The following TAF4B variants were observed in gnomAD, a reference collection of about 807,000 sequenced individuals.
TAF4B encodes TATA-box binding protein associated factor 4b, also known as transcription initiation factor TFIID subunit 4B.
A neutral mutation model predicts 86.4 loss-of-function variants in TAF4B; 38 were observed. The ratio of observed to expected loss-of-function variants is 0.44; its 90% CI spans 0.34 to 0.58. The LOEUF (loss-of-function observed/expected upper bound fraction) is 0.58. TAF4B is among the 20% of genes least tolerant of loss of function. The pLI is 0.02. For missense variants in TAF4B, 988 were observed against 1,027.6 expected (o/e 0.96, Z 0.53); for synonymous variants, 388 against 391.2 (o/e 0.99, Z 0.10).
At chr18:26,294,700 ATATAACATTTG>A (rs1415451171) in intron 9 of TAF4B, among the ~76,000 whole-genome samples, 3 of 149,940 alleles carry the variant, frequency 2.0e-5, no homozygotes, top group Non-Finnish European at 4.4e-5. Flanking sequence ...ATATACAGAA[ATATAACATTTG>A]TATATATAGA....
At chr18:26,288,292 A>G (rs1471888058) in intron 7 of TAF4B, among the ~76,000 whole-genome samples, 1 of 152,218 alleles carries the variant, frequency 6.6e-6, no homozygotes, top group African/African-American at 2.4e-5. Flanking sequence ...TATGATAAAA[A>G]GGTAGGGAGA....
chr18:26,274,204 T>G (rs1354299545), intron 3 of TAF4B, among the ~76,000 whole-genome samples: 1 of 152,210 alleles, frequency 6.6e-6, no homozygotes, highest in Non-Finnish European at 1.5e-5. Context: ...AAAAGCAGTT[T>G]ATCTAAATTT....
intron 9 of TAF4B, among the ~76,000 whole-genome samples, chr18:26,314,383 G>A (rs1033808860): frequency 3.9e-5 from 6 of 151,990 alleles, no homozygotes; most frequent in Admixed American, 6.6e-5. Context: ...CTGTGGCCAC[G>A]TAACAATTCC....
intron 14 of TAF4B, among the ~76,000 whole-genome samples, chr18:26,365,606 T>A (rs1238412655): frequency 6.6e-6 from 1 of 152,126 alleles, no homozygotes; most frequent in African/African-American, 2.4e-5. Flanking sequence ...AGTCCGTGGC[T>A]TTGTCATCTT....
chr18:26,360,926 G>A (rs2057323890), intron 14 of TAF4B, among the ~76,000 whole-genome samples: 1 of 152,114 alleles, frequency 6.6e-6, no homozygotes, highest in Non-Finnish European at 1.5e-5. Flanking sequence ...TGGCTAGTGT[G>A]ACTAAAATAA....
chr18:26,336,108 T>G (rs758946066), intron 13 of TAF4B, among the ~76,000 whole-genome samples: 2 of 152,218 alleles, frequency 1.3e-5, no homozygotes, highest in Admixed American at 1.3e-4. Context: ...CCTGTTCACA[T>G]TTCTGATTAA....
chr18:26,286,003 C>T lies in TAF4B; in HGVS notation c.1094C>T (p.Pro365Leu). The T allele has an allele frequency of 6.2e-7, 1 of 1,614,236 alleles. No homozygotes were observed. Among genetic ancestry groups the T allele is most frequent in the Non-Finnish European group, 8.5e-7 (1 of 1,180,036 alleles). Reference protein sequence around the residue: ...ATCTTTVTTSPVVTTTVSSSQ... With the variant: ...ATCTTTVTTSLVVTTTVSSSQ... ...TGTACTACAACAGTAACAACTTCTC[C>T]TGTGGTGACAACTACAGTGTCCTCA... The change falls in exon 7 of 15, where the codon CCT becomes CTT. Residue 365 changes from proline to leucine, a missense_variant. Around this residue, in one of 3 missense-constraint regions of TAF4B, gnomAD observed 747 missense variants for 737.9 expected, o/e 1.01. Coordinates refer to ENST00000269142, the MANE Select transcript of TAF4B (RefSeq NM_005640.3).
intron 13 of TAF4B, among the ~76,000 whole-genome samples, chr18:26,346,759 G>GTATATATA (rs1189521252): frequency 0.041 from 1,124 of 27,114 alleles, 197 homozygotes; most frequent in Middle Eastern, 0.094. Flanking sequence ...ATATATGTGT[G>GTATATATA]TATATATATA....
chr18:26,286,597 C>T (rs944487601), intron 7 of TAF4B, 98 bp downstream of exon 7: 1 of 1,327,428 alleles, frequency 7.5e-7, no homozygotes, highest in Non-Finnish European at 1.0e-6. Context: ...AGGCTATATA[C>T]TGTTTACGGG....
chr18:26,330,910 T>TTA (rs1397792647), intron 12 of TAF4B, among the ~76,000 whole-genome samples: 1 of 152,182 alleles, frequency 6.6e-6, no homozygotes, highest in East Asian at 1.9e-4. Context: ...ACTACTAATA[T>TTA]CCCCACCCCA....
chr18:26,373,016 C>T (rs2057417183), intron 14 of TAF4B, among the ~76,000 whole-genome samples: 1 of 151,308 alleles, frequency 6.6e-6, no homozygotes, highest in Non-Finnish European at 1.5e-5. Flanking sequence ...TGCTTGCATA[C>T]CAGAAGGTGA....
At chr18:26,352,069 AT>A (rs1487467028) in intron 13 of TAF4B, among the ~76,000 whole-genome samples, 1 of 152,170 alleles carries the variant, frequency 6.6e-6, no homozygotes, top group Non-Finnish European at 1.5e-5. Flanking sequence ...ATAAATTAAA[AT>A]GTTAAAAAGT....
rs775775235 is a variant in TAF4B, at chr18:26,281,961, C to T, written c.883-10C>T. ...GACTTAAAATTGTTTCTATTTCTCC[C>T]ATCCCTCAGGATGCAAAAATCGAAG... is the stretch of plus-strand genomic sequence containing the variant. On this transcript the variant is annotated splice_polypyrimidine_tract_variant and intron_variant, in intron 5 of 14. Transcript: ENST00000269142. 43 of 1,599,098 alleles carry T rather than the reference C, an allele frequency of 2.7e-5. No homozygotes were observed. The highest frequency in any genetic ancestry group is 3.4e-5 in the Non-Finnish European group (40 of 1,168,534).
At chr18:26,315,190 C>T (rs1342066985) in intron 9 of TAF4B, 39 bp from the exon 10 acceptor site, 3 of 1,395,226 alleles carry the variant, frequency 2.2e-6, no homozygotes, top group Non-Finnish European at 9.6e-7. Context: ...CACACACACA[C>T]ACAACCTAAA....
At chr18:26,320,779 A>G (rs999461720) in intron 10 of TAF4B, among the ~76,000 whole-genome samples, 3 of 152,236 alleles carry the variant, frequency 2.0e-5, no homozygotes, top group African/African-American at 7.2e-5. Context: ...CTCCCTGAAC[A>G]ATAGACTTGA....
At chr18:26,329,831 G>T (rs1480731582) in intron 12 of TAF4B, among the ~76,000 whole-genome samples, 1 of 152,028 alleles carries the variant, frequency 6.6e-6, no homozygotes, top group African/African-American at 2.4e-5. Flanking sequence ...TTGAGACAGG[G>T]TCTCACTTTG....
chr18:26,237,532 G>A (rs2055767739), intron 1 of TAF4B, among the ~76,000 whole-genome samples: 1 of 152,028 alleles, frequency 6.6e-6, no homozygotes. Flanking sequence ...GTTTCCTTCT[G>A]GGTGGGGGAG....
chr18:26,296,669 T>C (rs1192042106), intron 9 of TAF4B, among the ~76,000 whole-genome samples: 1 of 152,142 alleles, frequency 6.6e-6, no homozygotes, highest in African/African-American at 2.4e-5. Context: ...ACTGTCAGGA[T>C]ACATGGAATA....
chr18:26,350,870 A>G (rs2057239358), intron 13 of TAF4B, among the ~76,000 whole-genome samples: 1 of 152,200 alleles, frequency 6.6e-6, no homozygotes, highest in Non-Finnish European at 1.5e-5. Context: ...AAGACAAAAA[A>G]TGAGTAATGT....
Sources: gnomAD v4.1 joint callset for allele counts (sites outside exome capture counted in the v4.1 genomes callset) on GRCh38, gnomAD v4.1.1 for gene constraint, gnomAD v4.1.1 regional missense constraint, MANE v1.5 for transcripts, NCBI Gene and HGNC (gene_info 2026-07-23, HGNC 2026-07-21) for gene names.